The following XPOT variants were observed in gnomAD, a reference collection of about 807,000 sequenced individuals.
XPOT encodes exportin for tRNA, also known as exportin-T.
Under a neutral mutation model 128.2 loss-of-function variants are expected in XPOT, and 34 were observed. The observed-to-expected ratio is 0.27, with a 90% CI of 0.20 to 0.35. XPOT has a LOEUF of 0.35. Ranked by LOEUF, XPOT falls within the 10% of genes least tolerant of loss-of-function variation. The pLI is 1.00. For missense variants in XPOT, 838 were observed against 1,125.3 expected (o/e 0.74, Z 3.65); for synonymous variants, 348 against 394.3 (o/e 0.88, Z 1.39).
At chr12:64,422,494 G>T (rs929878582) in intron 9 of XPOT, among the ~76,000 whole-genome samples, 1 of 152,116 alleles carries the variant, frequency 6.6e-6, no homozygotes, top group Non-Finnish European at 1.5e-5. Context: ...TACATGTCAA[G>T]TTACTTACTA....
At chr12:64,423,135 TAGAA>T (rs775453114) in intron 10 of XPOT, 43 bp from the exon 11 acceptor site, 1 of 1,593,052 alleles carries the variant, frequency 6.3e-7, no homozygotes, top group Non-Finnish European at 8.6e-7. Flanking sequence ...TATATCAAAT[TAGAA>T]GGAGACTGAC....
rs1200859244 is a variant in XPOT at position 64,419,002 on chromosome 12, G to A, written c.397G>A (p.Asp133Asn). 1 of 1,613,934 alleles carries A rather than the reference G, an allele frequency of 6.2e-7. No homozygotes were observed. The highest frequency in any genetic ancestry group is 1.3e-5 in the African/African-American group (1 of 74,880). ...KFFFDILSVV[D>N]LNPRGVDLYL... ...TTTTTTTGACATTCTCTCAGTAGTG[G>A]ACCTAAATCCAAGGGGAGTAGATCT... Residue 133 changes from aspartate to asparagine, a missense_variant, in exon 6 of 25, where the codon GAC becomes AAC. Around this residue, in one of 3 missense-constraint regions of XPOT, gnomAD observed 761 missense variants for 988.3 expected, o/e 0.77. Coordinates refer to ENST00000332707, the MANE Select transcript of XPOT (RefSeq NM_007235.6).
chr12:64,414,845 A>G (rs1039252367), intron 2 of XPOT, 62 bp from the exon 3 acceptor site: 1 of 1,005,096 alleles, frequency 9.9e-7, no homozygotes, highest in Admixed American at 1.8e-5. Context: ...TATTTTGTTT[A>G]TATTAGCAGG....
In XPOT at chr12:64,414,831, A is replaced by C. The variant is rs1861407983; in HGVS notation, c.61-76A>C. 5.6e-6 allele frequency: 5 copies of C among 900,216 alleles called. No individual in the cohort carries two copies. In the Admixed American group the frequency reaches 5.6e-5, roughly 10 times the overall value. The allele number at this position is 900,216 out of a possible 1,614,324, so 55.8% of individuals were successfully genotyped here. A position where few individuals can be genotyped will look rare whatever the true frequency, so the allele number is the denominator to read the frequency against. Reference sequence around the variant, plus strand: ...GATTTGTTATAGGTTTGCAACTCTCAGAATATTTTGTTTATATTAGCAGGG... The same window carrying C: ...GATTTGTTATAGGTTTGCAACTCTCCGAATATTTTGTTTATATTAGCAGGG... On this transcript the variant is annotated intron_variant, in intron 2 of 24. Transcript: ENST00000332707.
Position 64,415,005 on chromosome 12 carries a change from A to G in XPOT, c.143+16A>G. The G allele has an allele frequency of 6.6e-7, 1 of 1,523,086 alleles. No individual in the cohort carries two copies. Among genetic ancestry groups the G allele is most frequent in the Non-Finnish European group, 9.1e-7 (1 of 1,098,496 alleles). The allele number at this position is 1,523,086 out of a possible 1,614,324, so 94.3% of individuals were successfully genotyped here. ...GGACATACAGGTAATTAAAAACAAAATTTGCATGACAATTTAAATTTCTGT... is the reference window on the plus strand; with the variant it reads ...GGACATACAGGTAATTAAAAACAAAGTTTGCATGACAATTTAAATTTCTGT... On this transcript the variant is annotated intron_variant, in intron 3 of 24. Coordinates refer to ENST00000332707, the MANE Select transcript of XPOT (RefSeq NM_007235.6).
Position 64,404,559 on chromosome 12 carries a change from T to G in XPOT, c.-320T>G, listed in dbSNP as rs533958353. ...CGCCGACCCCGCCCGCTTGCTTGCT[T>G]GCTTGCTTGCCTGCCTGCCTGCCTG... On this transcript the variant is annotated 5_prime_UTR_variant, in exon 1 of 25. Coordinates refer to ENST00000332707, the MANE Select transcript of XPOT (RefSeq NM_007235.6). 2.8e-3 allele frequency: 435 copies of G among 154,304 alleles called. No individual in the cohort carries two copies. Among genetic ancestry groups the G allele is most frequent in the Non-Finnish European group, 4.7e-3 (325 of 69,034 alleles). 9.6% of individuals were successfully genotyped at this position (154,304 alleles called of 1,614,324 possible).
intron 24 of XPOT, 22 bp downstream of exon 24, chr12:64,445,153 G>GT: frequency 6.4e-7 from 1 of 1,568,152 alleles, no homozygotes; most frequent in Non-Finnish European, 8.7e-7. Flanking sequence ...TGAAGCTCAC[G>GT]TATCTTCATA....
In XPOT at chr12:64,410,024, A is replaced by G. The variant is rs1329855206; in HGVS notation, c.-12A>G. On this transcript the variant is annotated 5_prime_UTR_variant, in exon 2 of 25. Coordinates refer to ENST00000332707, the MANE Select transcript of XPOT (RefSeq NM_007235.6). ...CTATTACAACCAGAAAACTACAAGT[A>G]TAACAGCGAGGATGGATGAACAGGC... 4 of 1,613,404 alleles carry G rather than the reference A, an allele frequency of 2.5e-6. No individual in the cohort carries two copies. In the Admixed American group the frequency reaches 5.0e-5, roughly 20 times the overall value.
chr12:64,413,654 C>G (rs932950715), intron 2 of XPOT, among the ~76,000 whole-genome samples: 1 of 152,124 alleles, frequency 6.6e-6, no homozygotes, highest in African/African-American at 2.4e-5. Flanking sequence ...CTCATTCATA[C>G]AGTTACATAG....
rs11175387 is a variant in XPOT, at chr12:64,425,367, G to C, written c.1482G>C (p.Gln494His). The C allele has an allele frequency of 1.2e-6, 2 of 1,613,384 alleles. No individual in the cohort carries two copies. Among genetic ancestry groups the C allele is most frequent in the Non-Finnish European group, 1.7e-6 (2 of 1,179,974 alleles). Residue 494 changes from glutamine (Q) to histidine (H), a missense_variant, in exon 14 of 25, where the codon CAG becomes CAC. By Grantham distance (24) the Gln-to-His change is conservative. Transcript: ENST00000332707. The part of the protein sequence containing the change: ...TLVTSGVSSY[Q>H]HTSVTLEFFE... ...TAACATCAGGAGTCAGTTCCTATCA[G>C]CATACATCTGTGACATTGGAGTTCT...
At chr12:64,445,045 C>T (rs772893290) in intron 23 of XPOT, 30 bp from the exon 24 acceptor site, 2 of 1,563,110 alleles carry the variant, frequency 1.3e-6, no homozygotes, top group Admixed American at 1.9e-5. Flanking sequence ...TACATTTGTT[C>T]TTTTTCTCCC....
At position 64,422,979 on chromosome 12, in the gene XPOT, A is replaced by G. The variant is rs185275418; in HGVS notation, c.1081-26A>G. 1,216 of 1,609,022 alleles carry G rather than the reference A, an allele frequency of 7.6e-4. 6 individuals are homozygous for G. The African/African-American group carries it at 0.014, about 19-fold the overall frequency. On this transcript the variant is annotated intron_variant, in intron 9 of 24. Transcript: ENST00000332707. The stretch of plus-strand genomic sequence containing the variant: ...TGCAGGTATAACTTTAGAAAACCTA[A>G]TAAGTTATTGCTTCCTTTTTAACAG...
chr12:64,426,283 C>T (rs553313684), intron 15 of XPOT, among the ~76,000 whole-genome samples: 1 of 127,002 alleles, frequency 7.9e-6, no homozygotes, highest in Admixed American at 9.6e-5. Flanking sequence ...TGGGTGACAG[C>T]GTGAGACTCA....
At chr12:64,433,097 C>T (rs1219702211) in intron 18 of XPOT, among the ~76,000 whole-genome samples, 2 of 152,084 alleles carry the variant, frequency 1.3e-5, no homozygotes, top group Non-Finnish European at 2.9e-5. Context: ...AGGCGTGCGC[C>T]ACTACACCCA....
chr12:64,445,890 C>G (rs1030028577), intron 24 of XPOT, among the ~76,000 whole-genome samples: 5 of 152,200 alleles, frequency 3.3e-5, no homozygotes, highest in African/African-American at 4.8e-5. Flanking sequence ...TCACCTGGTT[C>G]TTTTAGCAAA....
chr12:64,431,478 A>G, intron 17 of XPOT, 60 bp from the exon 18 acceptor site: 1 of 1,524,980 alleles, frequency 6.6e-7, no homozygotes, highest in Non-Finnish European at 8.9e-7. Flanking sequence ...GCTTTTGAAT[A>G]CTCCATAACA....
chr12:64,430,702 T>G (rs1432112541), intron 17 of XPOT, among the ~76,000 whole-genome samples: 1 of 152,202 alleles, frequency 6.6e-6, no homozygotes, highest in Non-Finnish European at 1.5e-5. Context: ...AGCCATACTT[T>G]TTGTTGACAA....
chr12:64,431,887 G>T, intron 18 of XPOT, 64 bp downstream of exon 18: 1 of 1,526,986 alleles, frequency 6.5e-7, no homozygotes, highest in Non-Finnish European at 8.8e-7. Flanking sequence ...CTTCAGACAT[G>T]TTTCGGATTT....
chr12:64,416,787 T>G (rs2040091561), intron 4 of XPOT, 33 bp downstream of exon 4: 1 of 1,565,112 alleles, frequency 6.4e-7, no homozygotes, highest in Non-Finnish European at 8.7e-7. Flanking sequence ...GACTCAGATT[T>G]GCGGGGAGAG....
Sources: gnomAD v4.1 joint callset for allele counts (sites outside exome capture counted in the v4.1 genomes callset) on GRCh38, gnomAD v4.1.1 for gene constraint, gnomAD v4.1.1 regional missense constraint, MANE v1.5 for transcripts, NCBI Gene and HGNC (gene_info 2026-07-23, HGNC 2026-07-21) for gene names.